HCN1: variants seen among roughly 807,000 people sequenced by gnomAD.
The protein encoded by HCN1 is hyperpolarization activated cyclic nucleotide gated potassium channel 1, also known as potassium/sodium hyperpolarization-activated cyclic nucleotide-gated channel 1.
Under a neutral mutation model 78.9 loss-of-function variants are expected in HCN1, and 13 were observed. The observed-to-expected ratio is 0.16, with a 90% CI of 0.11 to 0.26. The LOEUF is 0.26. Ranked by LOEUF, HCN1 falls within the 10% of genes least tolerant of loss-of-function variation. The pLI is 1.00. For synonymous variants in HCN1, 552 were observed against 455.5 expected, an observed-to-expected ratio of 1.21 and a Z score of -2.70; for missense variants, 810 against 1,154.3, an observed-to-expected ratio of 0.70 and a Z score of 4.32.
chr5:45,598,284 T>G (rs1744549113), intron 2 of HCN1, among the ~76,000 whole-genome samples: 1 of 152,140 alleles, frequency 6.6e-6, no homozygotes, highest in Non-Finnish European at 1.5e-5. Flanking sequence ...CATCTGATCT[T>G]CAACAAACCT....
rs145011145 is a variant in HCN1, at chr5:45,489,725, A to C, written c.850-27718T>G. ...GATGAGCCAGGCATTGTCTAGGTGA[A>C]GTGTTCTCCAAGATGTGGTTCCTGG... On this transcript the variant is annotated intron_variant, in intron 2 of 7. Transcript: ENST00000303230. Among the ~76,000 whole-genome samples the C allele has an allele frequency of 2.6e-5, 4 of 152,272 alleles. No homozygotes were observed. In the East Asian group the frequency reaches 7.7e-4, roughly 29 times the overall value.
intron 2 of HCN1, among the ~76,000 whole-genome samples, chr5:45,554,462 T>G (rs1743431773): frequency 6.6e-6 from 1 of 151,766 alleles, no homozygotes; most frequent in Non-Finnish European, 1.5e-5. Flanking sequence ...CCCTCCTAAA[T>G]GGAACCTAAA....
chr5:45,635,320 C>T (rs1472821851), intron 2 of HCN1, among the ~76,000 whole-genome samples: 1 of 151,856 alleles, frequency 6.6e-6, no homozygotes, highest in African/African-American at 2.4e-5. Context: ...TCTGAATTCC[C>T]CCATTCTCAA....
Position 45,696,131 on chromosome 5 carries a change from A to G in HCN1, c.-38T>C. 1 of 1,265,698 alleles carries G rather than the reference A, an allele frequency of 7.9e-7. No homozygotes were observed. Among genetic ancestry groups the G allele is most frequent in the Non-Finnish European group, 1.0e-6 (1 of 991,896 alleles). 78.4% of individuals were successfully genotyped at this position (1,265,698 alleles called of 1,614,324 possible). A position where few individuals can be genotyped will look rare whatever the true frequency, so the allele number is the denominator to read the frequency against. ...CGGCCGGCGACGGCGCGGGCTCCAG[A>G]CTCGCCGGCCGCCCGGCGCCGGAGA... On this transcript the variant is annotated 5_prime_UTR_variant, in exon 1 of 8. Coordinates refer to ENST00000303230, the MANE Select transcript of HCN1 (RefSeq NM_021072.4).
chr5:45,512,925 T>C lies in HCN1; in HGVS notation c.850-50918A>G, dbSNP rs138552820. ...AATATTTAATAGAAAAAAATCTTTA[T>C]TTATCAACGCCCATTTACTAAGTTC... On this transcript the variant is annotated intron_variant, in intron 2 of 7. Coordinates refer to ENST00000303230, the MANE Select transcript of HCN1 (RefSeq NM_021072.4). 3.1e-4 allele frequency among the ~76,000 whole-genome samples: 47 copies of C among 152,272 alleles called. No homozygotes were observed. The East Asian group carries it at 7.3e-3, about 24-fold the overall frequency.
chr5:45,468,190 CT>C (rs1231070861), intron 2 of HCN1, among the ~76,000 whole-genome samples: 9 of 152,046 alleles, frequency 5.9e-5, no homozygotes, highest in Non-Finnish European at 1.3e-4. Context: ...TCTGAGAAAT[CT>C]TTTTGAAGTG....
chr5:45,387,910 T>TCC (rs1747960248), intron 4 of HCN1, among the ~76,000 whole-genome samples: 2 of 152,180 alleles, frequency 1.3e-5, no homozygotes, highest in African/African-American at 4.8e-5. Context: ...ATAGAACAAT[T>TCC]ATAACAATAT....
intron 4 of HCN1, among the ~76,000 whole-genome samples, chr5:45,387,122 T>C (rs1248714066): frequency 1.3e-5 from 2 of 152,024 alleles, no homozygotes; most frequent in African/African-American, 4.8e-5. Flanking sequence ...GTTGAAAATA[T>C]TTTGTCCCAA....
chr5:45,569,222 GTTC>G (rs768975880), intron 2 of HCN1, among the ~76,000 whole-genome samples: 2 of 151,988 alleles, frequency 1.3e-5, no homozygotes, highest in African/African-American at 2.4e-5. Context: ...TGGGTCTCTG[GTTC>G]TTCATTTCTG....
intron 4 of HCN1, among the ~76,000 whole-genome samples, chr5:45,373,940 C>T (rs559818288): frequency 3.7e-5 from 4 of 107,990 alleles, no homozygotes; most frequent in Admixed American, 1.1e-4. Context: ...ATATTACATA[C>T]GGTATATACA....
In HCN1 at chr5:45,571,057, T is replaced by C. The variant is rs1318480352; in HGVS notation, c.849+74128A>G. On this transcript the variant is annotated intron_variant, in intron 2 of 7. Transcript: ENST00000303230. Reference sequence around the variant, plus strand: ...AGGGACAATTCATGCTGTTTCCCATTTTTGACTTCTTCCATGTCTACATTG... The same window carrying C: ...AGGGACAATTCATGCTGTTTCCCATCTTTGACTTCTTCCATGTCTACATTG... 3.3e-5 allele frequency among the ~76,000 whole-genome samples: 5 copies of C among 152,158 alleles called. No individual in the cohort carries two copies. The East Asian group carries it at 9.6e-4, about 29-fold the overall frequency.
At chr5:45,300,434 C>A (rs1050779138) in intron 6 of HCN1, among the ~76,000 whole-genome samples, 2 of 151,916 alleles carry the variant, frequency 1.3e-5, no homozygotes, top group African/African-American at 4.8e-5. Context: ...GGATGAAGAC[C>A]TTGATGATGA....
chr5:45,592,854 T>A (rs1303742718), intron 2 of HCN1, among the ~76,000 whole-genome samples: 1 of 152,164 alleles, frequency 6.6e-6, no homozygotes, highest in Non-Finnish European at 1.5e-5. Flanking sequence ...TTAGAAGCAA[T>A]GAAAAGTTAT....
At chr5:45,518,546 C>T (rs866225285) in intron 2 of HCN1, among the ~76,000 whole-genome samples, 2 of 151,894 alleles carry the variant, frequency 1.3e-5, no homozygotes, top group African/African-American at 2.4e-5. Context: ...TGCAGGAAAC[C>T]TAAGATATGC....
rs1039642063 is a variant in HCN1, at chr5:45,587,614, G to T, written c.849+57571C>A. On this transcript the variant is annotated intron_variant, in intron 2 of 7. Coordinates refer to ENST00000303230, the MANE Select transcript of HCN1 (RefSeq NM_021072.4). ...ACCTAATGTAAATGACGAGTGAATG[G>T]GTGCAGCACACCAACATGGCACATG... Among the ~76,000 whole-genome samples the T allele has an allele frequency of 2.0e-5, 3 of 151,312 alleles. No individual in the cohort carries two copies. In the East Asian group the frequency reaches 5.8e-4, roughly 29 times the overall value.
At chr5:45,311,228 C>A (rs973911694) in intron 5 of HCN1, among the ~76,000 whole-genome samples, 1 of 152,070 alleles carries the variant, frequency 6.6e-6, no homozygotes, top group Non-Finnish European at 1.5e-5. Context: ...ATTTATTAAA[C>A]ACACCAAAAG....
chr5:45,624,706 C>T (rs1487997769), intron 2 of HCN1, among the ~76,000 whole-genome samples: 2 of 151,400 alleles, frequency 1.3e-5, no homozygotes, highest in African/African-American at 4.9e-5. Context: ...TGGAGAGGGG[C>T]ATTAGATGGG....
rs566214753 is a variant in HCN1 at position 45,330,276 on chromosome 5, G to A, written c.1377+22824C>T. 3.3e-5 allele frequency among the ~76,000 whole-genome samples: 5 copies of A among 151,266 alleles called. No homozygotes were observed. In the South Asian group the frequency reaches 1.0e-3, roughly 31 times the overall value. Reference sequence around the variant, plus strand: ...AATATTTGGGGAGTTATTAAATACTGGAGTTTACACTGTTGTGCTTTAAGA... The same window carrying A: ...AATATTTGGGGAGTTATTAAATACTAGAGTTTACACTGTTGTGCTTTAAGA... On this transcript the variant is annotated intron_variant, in intron 5 of 7. Transcript: ENST00000303230.
At chr5:45,562,004 C>G (rs1323695848) in intron 2 of HCN1, among the ~76,000 whole-genome samples, 1 of 152,126 alleles carries the variant, frequency 6.6e-6, no homozygotes, top group Non-Finnish European at 1.5e-5. Flanking sequence ...GTATAGTGCT[C>G]TCTTCAGCTC....
Sources: allele counts gnomAD v4.1 joint callset (sites outside exome capture counted in the v4.1 genomes callset), GRCh38; gene constraint gnomAD v4.1.1; transcripts MANE v1.5; gene names NCBI Gene and HGNC (gene_info 2026-07-23, HGNC 2026-07-21).